The following ZNF148 variants were observed in gnomAD, a reference collection of about 807,000 sequenced individuals.
ZNF148 encodes the protein zinc finger protein 148.
In ZNF148, 7 loss-of-function variants were observed where a neutral mutation model predicts 67.7. The ratio of observed to expected loss-of-function variants is 0.10; its 90% CI spans 0.06 to 0.19. ZNF148 has a LOEUF of 0.19. Among genes scored for constraint, ZNF148 ranks in the 10% least tolerant of loss-of-function variants. The pLI is 1.00. For synonymous variants in ZNF148, 333 were observed against 330.7 expected, an observed-to-expected ratio of 1.01 and a Z score of -0.08; for missense variants, 583 against 947.1, an observed-to-expected ratio of 0.62 and a Z score of 5.05.
At chr3:125,262,107 T>C (rs1178852271) in intron 7 of ZNF148, among the ~76,000 whole-genome samples, 1 of 152,182 alleles carries the variant, frequency 6.6e-6, no homozygotes, top group East Asian at 1.9e-4. Context: ...AATGCTGATC[T>C]GCAATGAGAT....
chr3:125,286,548 C>T (rs1342086809), intron 5 of ZNF148, among the ~76,000 whole-genome samples: 1 of 152,112 alleles, frequency 6.6e-6, no homozygotes, highest in Non-Finnish European at 1.5e-5. Context: ...CACAAAGATA[C>T]ATACTCAAAC....
intron 7 of ZNF148, among the ~76,000 whole-genome samples, chr3:125,238,145 T>A (rs1936178989): frequency 6.6e-6 from 1 of 152,056 alleles, no homozygotes; most frequent in Non-Finnish European, 1.5e-5. Flanking sequence ...TGAAAATGGA[T>A]TACAGGCCTA....
chr3:125,344,056 C>T (rs565353000), intron 1 of ZNF148: 3 of 179,466 alleles, frequency 1.7e-5, no homozygotes, highest in East Asian at 3.4e-4. Context: ...TTTAACAGTT[C>T]TGTTAAATGC....
intron 4 of ZNF148, among the ~76,000 whole-genome samples, chr3:125,310,689 T>C (rs1940157963): frequency 6.6e-6 from 1 of 152,042 alleles, no homozygotes; most frequent in African/African-American, 2.4e-5. Context: ...TTTGAAAATA[T>C]CAATAAAATA....
At position 125,360,816 on chromosome 3, in the gene ZNF148, A is replaced by T. The variant is rs553396880; in HGVS notation, c.-234+14286T>A. On this transcript the variant is annotated intron_variant, in intron 1 of 8. Transcript: ENST00000360647. The stretch of plus-strand genomic sequence containing the variant: ...CAACATAGGAAGACCACATCTCTTT[A>T]AAAAAAAAAAATTAAAATTAAAATT... Among the ~76,000 whole-genome samples the T allele has an allele frequency of 1.0e-3, 148 of 146,016 alleles. 1 individual carries two copies. Among genetic ancestry groups the T allele is most frequent in the African/African-American group, 3.2e-3 (127 of 40,254 alleles).
At chr3:125,274,041 G>A (rs1175212749) in intron 7 of ZNF148, among the ~76,000 whole-genome samples, 1 of 151,936 alleles carries the variant, frequency 6.6e-6, no homozygotes, top group African/African-American at 2.4e-5. Flanking sequence ...ATGCTCACGG[G>A]GTGAGAAGAA....
chr3:125,290,810 T>C (rs775560355), intron 4 of ZNF148, among the ~76,000 whole-genome samples: 1 of 152,046 alleles, frequency 6.6e-6, no homozygotes, highest in Non-Finnish European at 1.5e-5. Context: ...ATACTCTAAC[T>C]GAACAGAACA....
At chr3:125,234,822 G>C (rs182235785) in intron 7 of ZNF148, among the ~76,000 whole-genome samples, 2 of 152,112 alleles carry the variant, frequency 1.3e-5, no homozygotes, top group African/African-American at 4.8e-5. Flanking sequence ...AAAGAACTTA[G>C]AGTCTTAAGT....
chr3:125,360,151 T>A (rs1196663874), intron 1 of ZNF148, among the ~76,000 whole-genome samples: 7 of 152,218 alleles, frequency 4.6e-5, no homozygotes, highest in Non-Finnish European at 1.0e-4. Context: ...CTCTTATGCC[T>A]ACAACTTCAA....
chr3:125,307,270 C>G (rs1245025067), intron 4 of ZNF148, among the ~76,000 whole-genome samples: 4 of 151,614 alleles, frequency 2.6e-5, no homozygotes, highest in Admixed American at 6.6e-5. Flanking sequence ...TCAATCGATG[C>G]AGAAGAAGTA....
chr3:125,262,466 T>C (rs1048242683), intron 7 of ZNF148, among the ~76,000 whole-genome samples: 3 of 152,228 alleles, frequency 2.0e-5, no homozygotes, highest in African/African-American at 7.2e-5. Context: ...ACTGATAGCA[T>C]AGGAAGTACA....
intron 7 of ZNF148, among the ~76,000 whole-genome samples, chr3:125,238,904 A>G (rs1320728056): frequency 2.0e-5 from 3 of 152,068 alleles, no homozygotes; most frequent in African/African-American, 7.3e-5. Flanking sequence ...TGTGACACAT[A>G]CAAAGAATGA....
At chr3:125,359,644 T>C (rs1009744699) in intron 1 of ZNF148, among the ~76,000 whole-genome samples, 2 of 152,248 alleles carry the variant, frequency 1.3e-5, no homozygotes, top group African/African-American at 4.8e-5. Context: ...ACAGAAAACA[T>C]GATGTGGTTC....
At chr3:125,356,398 T>C (rs1942343445) in intron 1 of ZNF148, among the ~76,000 whole-genome samples, 1 of 152,194 alleles carries the variant, frequency 6.6e-6, no homozygotes, top group South Asian at 2.1e-4. Context: ...TAAGGTTCTA[T>C]ACCTGTATCA....
At chr3:125,344,957 G>T (rs1286459609) in intron 1 of ZNF148, among the ~76,000 whole-genome samples, 1 of 152,068 alleles carries the variant, frequency 6.6e-6, no homozygotes. Flanking sequence ...TTGCTTGCAA[G>T]AAATTTAAAT....
At chr3:125,329,043 T>A (rs1441795929) in intron 2 of ZNF148, among the ~76,000 whole-genome samples, 1 of 150,928 alleles carries the variant, frequency 6.6e-6, no homozygotes, top group Non-Finnish European at 1.5e-5. Context: ...AGAAATTGTC[T>A]GGAAGGATAT....
intron 7 of ZNF148, among the ~76,000 whole-genome samples, chr3:125,237,855 C>A (rs1156604927): frequency 6.6e-6 from 1 of 152,128 alleles, no homozygotes. Flanking sequence ...AAGAATGAAG[C>A]AGGAGGACTT....
chr3:125,261,382 G>A (rs1937333562), intron 7 of ZNF148, among the ~76,000 whole-genome samples: 1 of 152,174 alleles, frequency 6.6e-6, no homozygotes, highest in Admixed American at 6.6e-5. Flanking sequence ...TTCTGTTGGA[G>A]TAACACAGTC....
intron 4 of ZNF148, among the ~76,000 whole-genome samples, chr3:125,301,181 A>G (rs949933257): frequency 2.0e-5 from 3 of 152,248 alleles, no homozygotes; most frequent in Non-Finnish European, 4.4e-5. Context: ...TAAAATATTA[A>G]AAAACAAAGT....
Sources: allele counts gnomAD v4.1 joint callset (sites outside exome capture counted in the v4.1 genomes callset), GRCh38; gene constraint gnomAD v4.1.1; transcripts MANE v1.5; gene names NCBI Gene and HGNC (gene_info 2026-07-23, HGNC 2026-07-21).